ARG2: variants seen among roughly 807,000 people sequenced by gnomAD.
The protein encoded by ARG2 is arginase 2, also known as arginase-2, mitochondrial.
ARG2 carries 21 observed loss-of-function variants against 39.4 expected under a neutral mutation model. The ratio of observed to expected loss-of-function variants is 0.53; its 90% CI spans 0.38 to 0.77. ARG2 has a LOEUF of 0.77. Among genes scored for constraint, ARG2 ranks in the 30% least tolerant of loss-of-function variants. The pLI is 0.00. For missense variants in ARG2, 378 were observed against 426.2 expected, an observed-to-expected ratio of 0.89 and a Z score of 1.00; for synonymous variants, 150 against 156.7, an observed-to-expected ratio of 0.96 and a Z score of 0.32.
chr14:67,620,757 T>A, intron 1 of ARG2, 137 bp from the exon 2 acceptor site: 1 of 772,276 alleles, frequency 1.3e-6, no homozygotes, highest in South Asian at 1.6e-5. Context: ...AACAATGGAG[T>A]TGGAAGGACA....
intron 2 of ARG2, 72 bp downstream of exon 2, chr14:67,621,038 C>T (rs1401888305): frequency 1.1e-5 from 15 of 1,383,086 alleles, no homozygotes; most frequent in Non-Finnish European, 1.5e-5. Context: ...TCTCTGACAT[C>T]CAGGGACTAC....
intron 3 of ARG2, among the ~76,000 whole-genome samples, chr14:67,644,266 TTAC>T (rs1164519112): frequency 6.6e-6 from 1 of 152,222 alleles, no homozygotes; most frequent in African/African-American, 2.4e-5. Context: ...TTAACATATA[TTAC>T]TACTTTAATC....
At chr14:67,630,764 G>A (rs886565035) in intron 2 of ARG2, among the ~76,000 whole-genome samples, 4 of 152,002 alleles carry the variant, frequency 2.6e-5, no homozygotes, top group Non-Finnish European at 5.9e-5. Context: ...ATTTTTAGTA[G>A]AGATGGAGTT....
At chr14:67,625,690 A>G (rs2036858307) in intron 2 of ARG2, among the ~76,000 whole-genome samples, 1 of 150,188 alleles carries the variant, frequency 6.7e-6, no homozygotes, top group African/African-American at 2.4e-5. Flanking sequence ...CAAAAAAAAA[A>G]AAAAAAAAAA....
chr14:67,627,500 G>A (rs2036880347), intron 2 of ARG2, among the ~76,000 whole-genome samples: 1 of 152,064 alleles, frequency 6.6e-6, no homozygotes. Flanking sequence ...CATCTCTGAG[G>A]TGCCTTTTGA....
At chr14:67,622,846 C>T (rs1421688266) in intron 2 of ARG2, among the ~76,000 whole-genome samples, 1 of 152,172 alleles carries the variant, frequency 6.6e-6, no homozygotes, top group Non-Finnish European at 1.5e-5. Flanking sequence ...CTGGAGGAGA[C>T]CTCTATAACA....
At chr14:67,644,642 A>G (rs1464422837) in intron 3 of ARG2, among the ~76,000 whole-genome samples, 1 of 152,330 alleles carries the variant, frequency 6.6e-6, no homozygotes, top group African/African-American at 2.4e-5. Context: ...GAGACAGAAC[A>G]GTTGGCTAAT....
intron 2 of ARG2, among the ~76,000 whole-genome samples, chr14:67,623,574 G>A (rs1056791600): frequency 3.4e-5 from 4 of 118,412 alleles, no homozygotes; most frequent in Non-Finnish European, 4.8e-5. Flanking sequence ...ACGGAGTCTC[G>A]CTCTGTCACC....
intron 2 of ARG2, among the ~76,000 whole-genome samples, chr14:67,638,033 G>T (rs2036990604): frequency 6.6e-6 from 1 of 152,178 alleles, no homozygotes; most frequent in South Asian, 2.1e-4. Context: ...AGATGGCAAA[G>T]TCCTAGGCAT....
At chr14:67,625,150 T>C (rs1276015553) in intron 2 of ARG2, among the ~76,000 whole-genome samples, 1 of 150,556 alleles carries the variant, frequency 6.6e-6, no homozygotes, top group African/African-American at 2.4e-5. Flanking sequence ...TAACTGGATA[T>C]CCACATTAAA....
At chr14:67,631,787 T>C (rs2036921464) in intron 2 of ARG2, among the ~76,000 whole-genome samples, 1 of 152,194 alleles carries the variant, frequency 6.6e-6, no homozygotes, top group Non-Finnish European at 1.5e-5. Flanking sequence ...GATTCTGTCC[T>C]TGATTCTCCT....
chr14:67,620,840 G>T, intron 1 of ARG2, 54 bp from the exon 2 acceptor site: 1 of 1,596,962 alleles, frequency 6.3e-7, no homozygotes, highest in Admixed American at 1.7e-5. Flanking sequence ...TACCAAATGG[G>T]TTTTTTTCCG....
chr14:67,632,185 C>T (rs759585322), intron 2 of ARG2, among the ~76,000 whole-genome samples: 16 of 152,192 alleles, frequency 1.1e-4, no homozygotes, highest in Non-Finnish European at 1.9e-4. Flanking sequence ...CTATGCCCAG[C>T]AAAAACTTTA....
intron 7 of ARG2, chr14:67,650,488 T>C (rs1225079175): frequency 1.8e-6 from 1 of 559,382 alleles, no homozygotes; most frequent in Non-Finnish European, 3.2e-6. Flanking sequence ...ATGGTTTATT[T>C]CATTATCTTA....
chr14:67,632,808 ATTTTTTTTT>A (rs55642854), intron 2 of ARG2, among the ~76,000 whole-genome samples: 24 of 62,410 alleles, frequency 3.8e-4, no homozygotes, highest in African/African-American at 1.3e-3. Context: ...AAGCCTCTTA[ATTTTTTTTT>A]TTTTTTTTTT....
At position 67,651,243 on chromosome 14, in the gene ARG2, C is replaced by T; in HGVS notation, c.*323C>T. On this transcript the variant is annotated 3_prime_UTR_variant, in exon 8 of 8. Coordinates refer to ENST00000261783, the MANE Select transcript of ARG2 (RefSeq NM_001172.4). ...ACATTTAAGTGGTTTTTCATCTTTC[C>T]TCCCTCCTCCCACAGCCTGGCTATA... 1.3e-6 allele frequency: 2 copies of T among 1,498,712 alleles called. No homozygotes were observed. The highest frequency in any genetic ancestry group is 2.3e-5 in the Admixed American group (1 of 43,466). The allele number at this position is 1,498,712 out of a possible 1,614,324, so 92.8% of individuals were successfully genotyped here.
intron 3 of ARG2, among the ~76,000 whole-genome samples, chr14:67,645,017 T>TAAAA: frequency 8.1e-6 from 1 of 123,616 alleles, no homozygotes; most frequent in African/African-American, 3.3e-5. Context: ...AAAAAAAAAT[T>TAAAA]GAATGCCATG....
intron 2 of ARG2, among the ~76,000 whole-genome samples, chr14:67,623,566 G>A (rs905527677): frequency 3.5e-5 from 4 of 113,898 alleles, no homozygotes; most frequent in South Asian, 5.7e-4. Context: ...TTTTTGAGAC[G>A]GAGTCTCGCT....
chr14:67,643,813 T>C (rs896133793), intron 3 of ARG2, among the ~76,000 whole-genome samples: 4 of 148,990 alleles, frequency 2.7e-5, no homozygotes, highest in East Asian at 2.0e-4. Context: ...ATGAAATCTT[T>C]GTTACATCTG....
Sources: allele counts gnomAD v4.1 joint callset (sites outside exome capture counted in the v4.1 genomes callset), GRCh38; gene constraint gnomAD v4.1.1; transcripts MANE v1.5; gene names NCBI Gene and HGNC (gene_info 2026-07-23, HGNC 2026-07-21).